Variants in IQSEC3 observed in about 807,000 individuals in gnomAD.
IQSEC3 encodes the protein IQ motif and SEC7 domain-containing protein 3.
Under a neutral mutation model 105.4 loss-of-function variants are expected in IQSEC3, and 50 were observed. That is an observed-to-expected ratio of 0.47 (90% confidence interval 0.38 to 0.60). The LOEUF (loss-of-function observed/expected upper bound fraction) is 0.60. Ranked by LOEUF, IQSEC3 falls within the 20% of genes least tolerant of loss-of-function variation. The pLI is 0.00. For synonymous variants in IQSEC3, 708 were observed against 746.0 expected, an observed-to-expected ratio of 0.95 and a Z score of 0.83; for missense variants, 1,415 against 1,630.0, an observed-to-expected ratio of 0.87 and a Z score of 2.27.
At position 175,401 on chromosome 12, in the gene IQSEC3, C is replaced by T. The variant is rs1939207967; in HGVS notation, c.*368C>T. 1 of 216,702 alleles carries T rather than the reference C, an allele frequency of 4.6e-6. No individual in the cohort carries two copies. The highest frequency in any genetic ancestry group is 2.3e-5 in the African/African-American group (1 of 43,560). The allele number at this position is 216,702 out of a possible 1,614,324, so 13.4% of individuals were successfully genotyped here. A position where few individuals can be genotyped will look rare whatever the true frequency, so the allele number is the denominator to read the frequency against. ...GTCTGTTAGTGCCCGGGGCCTCGGGCCTTGGGCAGCAGCATGAGGCTGGGC... is the reference window on the plus strand; with the variant it reads ...GTCTGTTAGTGCCCGGGGCCTCGGGTCTTGGGCAGCAGCATGAGGCTGGGC... On this transcript the variant is annotated 3_prime_UTR_variant, in exon 14 of 14. Transcript: ENST00000538872.
intron 3 of IQSEC3, among the ~76,000 whole-genome samples, chr12:126,569 G>A (rs1865419477): frequency 6.6e-6 from 1 of 151,936 alleles, no homozygotes; most frequent in South Asian, 2.1e-4. Context: ...GTGTGTGTGT[G>A]TGTGCGCTTA....
At chr12:90,384 C>T (rs999251363) in intron 1 of IQSEC3, among the ~76,000 whole-genome samples, 8 of 152,132 alleles carry the variant, frequency 5.3e-5, no homozygotes, top group African/African-American at 1.7e-4. Context: ...GCTTTCTGGT[C>T]CTATCTATGA....
intron 5 of IQSEC3, among the ~76,000 whole-genome samples, chr12:145,934 G>A (rs1866247832): frequency 6.6e-6 from 1 of 152,236 alleles, no homozygotes; most frequent in Admixed American, 6.5e-5. Context: ...ATGAAATGCA[G>A]GAAGGCAGCT....
chr12:157,371 G>A (rs1866726932), intron 6 of IQSEC3, among the ~76,000 whole-genome samples, 157 bp from the exon 7 acceptor site: 1 of 151,974 alleles, frequency 6.6e-6, no homozygotes, highest in Non-Finnish European at 1.5e-5. Context: ...ATTTGGGGGT[G>A]TGGGGAAAAA....
intron 7 of IQSEC3, among the ~76,000 whole-genome samples, chr12:160,482 T>C (rs1288912905): frequency 6.6e-6 from 1 of 152,166 alleles, no homozygotes; most frequent in Non-Finnish European, 1.5e-5. Context: ...AGTTCTGAGA[T>C]CTTTAAGTGG....
intron 13 of IQSEC3, chr12:171,439 C>T (rs888367170): frequency 4.2e-5 from 39 of 934,786 alleles, no homozygotes; most frequent in African/African-American, 3.0e-4. Flanking sequence ...ACGGAGCTCA[C>T]GGCACCCTAG....
At chr12:154,824 T>C (rs556711155) in intron 5 of IQSEC3, among the ~76,000 whole-genome samples, 51 of 149,204 alleles carry the variant, frequency 3.4e-4, no homozygotes, top group Non-Finnish European at 6.8e-4. Flanking sequence ...TCTTGCTCCC[T>C]TTTTGCGATC....
chr12:138,591 G>A lies in IQSEC3; in HGVS notation c.1228G>A (p.Ala410Thr), dbSNP rs2136997432. 1.3e-6 allele frequency: 2 copies of A among 1,589,770 alleles called. No individual in the cohort carries two copies. Among genetic ancestry groups the A allele is most frequent in the Non-Finnish European group, 1.7e-6 (2 of 1,175,494 alleles). Residue 410 changes from alanine (A) to threonine (T), a missense_variant, in exon 4 of 14, where the codon GCC becomes ACC. Ala to Thr is a moderately conservative substitution (Grantham distance 58). Around this residue, in one of 6 missense-constraint regions of IQSEC3, gnomAD observed 720 missense variants for 633.0 expected, o/e 1.14. Coordinates refer to ENST00000538872, the MANE Select transcript of IQSEC3 (RefSeq NM_001170738.2). This position sits in a 1 kb window ranked among gnomAD's most constrained non-coding sequence, Gnocchi z 7.1. ...DSFTEQVQSL[A>T]KSIDDALSTW... is the part of the protein sequence containing the mutation. ...CTTCACCGAGCAGGTGCAATCCCTG[G>A]CCAAGTCCATCGACGACGCGCTCAG...
chr12:140,244 C>G (rs1865962190), intron 4 of IQSEC3: 1 of 152,186 alleles, frequency 6.6e-6, no homozygotes, highest in East Asian at 1.9e-4. Context: ...GCTCACCTTA[C>G]ATAAAGCATC....
chr12:134,450 C>A (rs782414667), intron 3 of IQSEC3, among the ~76,000 whole-genome samples: 5 of 152,236 alleles, frequency 3.3e-5, no homozygotes, highest in Non-Finnish European at 7.3e-5. Flanking sequence ...TGATACCATG[C>A]CAAGGGCATG....
chr12:146,290 G>A (rs1415284994), intron 5 of IQSEC3, among the ~76,000 whole-genome samples: 1 of 152,196 alleles, frequency 6.6e-6, no homozygotes, highest in Non-Finnish European at 1.5e-5. Flanking sequence ...GCAGGCTGGG[G>A]CCCAGGCAGA....
intron 1 of IQSEC3, among the ~76,000 whole-genome samples, chr12:93,028 C>G (rs560590923): frequency 6.6e-6 from 1 of 152,290 alleles, no homozygotes; most frequent in South Asian, 2.1e-4. Flanking sequence ...TTTTGTGTGG[C>G]CTTTGCCTTT....
Position 175,171 on chromosome 12 carries a change from CCT to C in IQSEC3, c.*139_*140del. 1.4e-6 allele frequency: 1 copy of C among 710,496 alleles called. No homozygotes were observed. The highest frequency in any genetic ancestry group is 2.2e-5 in the South Asian group (1 of 46,488). 44.0% of individuals were successfully genotyped at this position (710,496 alleles called of 1,614,324 possible). A position where few individuals can be genotyped will look rare whatever the true frequency, so the allele number is the denominator to read the frequency against. On this transcript the variant is annotated 3_prime_UTR_variant, in exon 14 of 14. Coordinates refer to ENST00000538872, the MANE Select transcript of IQSEC3 (RefSeq NM_001170738.2). ...TCATTTTGGGAAGAGAATCCCAATC[CCT>C]GGCACCTGGGTTTGCCTCATCCAAC...
chr12:165,367 G>A (rs1317471659), intron 9 of IQSEC3, 67 bp from the exon 10 acceptor site: 2 of 1,211,448 alleles, frequency 1.7e-6, no homozygotes, highest in Non-Finnish European at 1.2e-6. Context: ...TCCCCCGGGT[G>A]TTTGTGCATC....
At chr12:147,200 G>C (rs1555091285) in intron 5 of IQSEC3, among the ~76,000 whole-genome samples, 1 of 152,150 alleles carries the variant, frequency 6.6e-6, no homozygotes, top group African/African-American at 2.4e-5. Flanking sequence ...GGGCCTTCTA[G>C]AAGGGTCTTC....
intron 1 of IQSEC3, among the ~76,000 whole-genome samples, chr12:80,573 T>C (rs1327326860): frequency 6.6e-6 from 1 of 152,234 alleles, no homozygotes; most frequent in Non-Finnish European, 1.5e-5. Context: ...CTGGCATCTG[T>C]ATTCTTCCTT....
rs200366635 is a variant in IQSEC3, at chr12:157,523, C to A, written c.2277-5C>A. 2.9e-5 allele frequency: 46 copies of A among 1,609,206 alleles called. No individual in the cohort carries two copies. The highest frequency in any genetic ancestry group is 6.7e-5 in the Admixed American group (4 of 59,746). The stretch of plus-strand genomic sequence containing the variant: ...GCGTCCGCTCTGCATCTGACCCCCC[C>A]ACAGCCAGCGCTACTGCATGTGCAA... On this transcript the variant is annotated splice_polypyrimidine_tract_variant and splice_region_variant and intron_variant, in intron 6 of 13. Transcript: ENST00000538872.
rs767773493 is a variant in IQSEC3 at position 174,886 on chromosome 12, G to A, written c.3402G>A (p.Leu1134=). 4 of 1,571,668 alleles carry A rather than the reference G, an allele frequency of 2.5e-6. No homozygotes were observed. The highest frequency in any genetic ancestry group is 3.4e-6 in the Non-Finnish European group (4 of 1,167,476). ...CTGACTCCTGCGGCTCCACACCCCT[G>A]GGCGGTCCCGGCTCTCCGGTCAAGG... ...SSSDSCGSTP[L]GGPGSPVKVT... The change falls in exon 14 of 14, where the codon CTG becomes CTA. Residue 1134 remains leucine (L), a synonymous_variant. Coordinates refer to ENST00000538872, the MANE Select transcript of IQSEC3 (RefSeq NM_001170738.2).
intron 2 of IQSEC3, among the ~76,000 whole-genome samples, chr12:105,623 G>A (rs193301779): frequency 1.3e-5 from 2 of 152,312 alleles, no homozygotes; most frequent in Non-Finnish European, 2.9e-5. Context: ...TGTCTCATTT[G>A]TCCTGAATCG....
Sources: gnomAD v4.1 joint callset for allele counts (sites outside exome capture counted in the v4.1 genomes callset) on GRCh38, gnomAD v4.1.1 for gene constraint, gnomAD v4.1.1 regional missense constraint, Gnocchi (gnomAD v3.1) non-coding constraint, MANE v1.5 for transcripts, NCBI Gene and HGNC (gene_info 2026-07-23, HGNC 2026-07-21) for gene names.